The following STXBP2 variants were observed in gnomAD, a reference collection of about 807,000 sequenced individuals.
The protein encoded by STXBP2 is syntaxin binding protein 2.
A neutral mutation model predicts 72.2 loss-of-function variants in STXBP2; 47 were observed. The observed-to-expected ratio is 0.65, with a 90% CI of 0.51 to 0.83. The LOEUF is 0.83. Among genes scored for constraint, STXBP2 ranks in the 40% least tolerant of loss-of-function variants. STXBP2 has a pLI of 0.00. For synonymous variants in STXBP2, 367 were observed against 338.7 expected (o/e 1.08, Z -0.92); for missense variants, 702 against 807.6 (o/e 0.87, Z 1.58).
chr19:7,630,515 AG>A, the STXBP2 span: 1 of 1,352,534 alleles, frequency 7.4e-7, no homozygotes, highest in Non-Finnish European at 1.0e-6. Flanking sequence ...CCAGGCTCTG[AG>A]GAGCCTCTGC....
At chr19:7,645,538 A>C in intron 15 of STXBP2, 1 of 555,352 alleles carries the variant, frequency 1.8e-6, no homozygotes, top group Non-Finnish European at 3.2e-6. Context: ...GGTCGCTGCC[A>C]GGCTGGTCCT....
chr19:7,640,033 T>C (rs1342952132), intron 4 of STXBP2: 4 of 666,872 alleles, frequency 6.0e-6, no homozygotes, highest in African/African-American at 1.8e-5. Flanking sequence ...TGCATGTGTG[T>C]GCGTCTGTGT....
chr19:7,631,501 G>A, the STXBP2 span: 1 of 1,536,552 alleles, frequency 6.5e-7, no homozygotes, highest in Non-Finnish European at 8.7e-7. Context: ...TTCAAAGAGA[G>A]GTTACGGAAG....
At position 7,640,358 on chromosome 19, in the gene STXBP2, G is replaced by GCA. The variant is rs770179765; in HGVS notation, c.247-373_247-372insCA. 9,738 of 561,992 alleles carry GCA rather than the reference G, an allele frequency of 0.017. 576 individuals are homozygous for GCA. Among genetic ancestry groups the GCA allele is most frequent in the Admixed American group, 0.15 (6,469 of 43,764 alleles). 34.8% of individuals were successfully genotyped at this position (561,992 alleles called of 1,614,324 possible). On this transcript the variant is annotated intron_variant, in intron 4 of 18. Coordinates refer to ENST00000221283, the MANE Select transcript of STXBP2 (RefSeq NM_006949.4). ...TGCGTGTGTGTATGCGTCTGTGCATGTGTGTATGCGTGTGTGTGCGCATCA... is the reference window on the plus strand; with the variant it reads ...TGCGTGTGTGTATGCGTCTGTGCATGCATGTGTATGCGTGTGTGTGCGCATCA...
chr19:7,643,421 G>A (rs765779839), intron 13 of STXBP2, 176 bp downstream of exon 13: 44 of 710,068 alleles, frequency 6.2e-5, no homozygotes, highest in African/African-American at 6.2e-4. Context: ...GTGGAGAAAC[G>A]GTCCTAGGAT....
At chr19:7,639,398 T>C in intron 3 of STXBP2, 1 of 580,278 alleles carries the variant, frequency 1.7e-6, no homozygotes, top group South Asian at 2.0e-5. Flanking sequence ...GGGTGGACTC[T>C]GGATGTGGGG....
upstream of STXBP2, among the ~76,000 whole-genome samples, chr19:7,635,752 GGAAAA>G (rs748515817): frequency 2.2e-4 from 33 of 152,148 alleles, no homozygotes; most frequent in Middle Eastern, 3.4e-3. Flanking sequence ...AGAAAGGAAG[GGAAAA>G]GGAAAGGAAA....
At chr19:7,631,614 C>A in the STXBP2 span, 7 of 1,469,806 alleles carry the variant, frequency 4.8e-6, no homozygotes, top group Admixed American at 2.5e-5. Context: ...TACTCAGTTC[C>A]TTGTTATTCA....
upstream of STXBP2, chr19:7,632,315 T>G (rs960495151): frequency 4.4e-6 from 7 of 1,585,224 alleles, no homozygotes; most frequent in Non-Finnish European, 6.0e-6. This position sits in a 1 kb window ranked among gnomAD's most constrained non-coding sequence, Gnocchi z 5.2. Context: ...CCCTGTTCCC[T>G]CCTGGCTGGG....
rs1254010964 is a variant in STXBP2 at position 7,642,753 on chromosome 19, C to A, written c.903-13C>A. ...CTCCCCTCACTCTCACCCCCGCCCA[C>A]CCTCATGGCCAGGAAGGTCACGGAG... On this transcript the variant is annotated splice_polypyrimidine_tract_variant and intron_variant, in intron 10 of 18. Coordinates refer to ENST00000221283, the MANE Select transcript of STXBP2 (RefSeq NM_006949.4). This position sits in a 1 kb window ranked among gnomAD's most constrained non-coding sequence, Gnocchi z 6.0. The A allele has an allele frequency of 1.2e-6, 2 of 1,613,666 alleles. No individual in the cohort carries two copies. The highest frequency in any genetic ancestry group is 2.7e-5 in the African/African-American group (2 of 74,912).
chr19:7,641,272 G>A, intron 6 of STXBP2: 1 of 529,796 alleles, frequency 1.9e-6, no homozygotes, highest in Non-Finnish European at 3.4e-6. Flanking sequence ...CATGGGGCTG[G>A]GGTGGGAGAG....
chr19:7,646,125 C>T (rs925745868), intron 15 of STXBP2, 124 bp from the exon 16 acceptor site: 9 of 731,738 alleles, frequency 1.2e-5, no homozygotes, highest in Non-Finnish European at 1.9e-5. Context: ...CTCTCTCGCT[C>T]TCTGTTCCAC....
intron 15 of STXBP2, 137 bp downstream of exon 15, chr19:7,645,443 G>T (rs1264729892): frequency 9.8e-6 from 8 of 819,792 alleles, no homozygotes; most frequent in Non-Finnish European, 2.0e-6. Context: ...GCCAAAAGCA[G>T]TGTTTCGGGT....
At chr19:7,637,340 G>A (rs917556301) in intron 1 of STXBP2, among the ~76,000 whole-genome samples, 154 bp downstream of exon 1, 5 of 152,132 alleles carry the variant, frequency 3.3e-5, no homozygotes, top group Non-Finnish European at 7.4e-5. Flanking sequence ...GGCGGGGACG[G>A]GTTCCCAGCT....
chr19:7,639,876 G>A, intron 4 of STXBP2, 69 bp downstream of exon 4: 2 of 1,489,670 alleles, frequency 1.3e-6, no homozygotes, highest in Non-Finnish European at 1.9e-6. Context: ...GTGTATGTCT[G>A]CATGCATGTG....
chr19:7,633,029 C>G, upstream of STXBP2: 1 of 1,428,570 alleles, frequency 7.0e-7, no homozygotes, highest in East Asian at 2.5e-5. Flanking sequence ...GGCCCCCGCC[C>G]CAGGGGCCCT....
At chr19:7,644,559 C>A in intron 13 of STXBP2, 55 bp from the exon 14 acceptor site, 1 of 1,603,002 alleles carries the variant, frequency 6.2e-7, no homozygotes, top group South Asian at 1.1e-5. Context: ...CCCGCCTCTC[C>A]CATCCCCTTC....
chr19:7,630,030 T>G, the STXBP2 span: 26 of 573,764 alleles, frequency 4.5e-5, no homozygotes, highest in Middle Eastern at 5.1e-4. Context: ...GACGCTGGGC[T>G]GGGGGGGTTC....
chr19:7,636,209 A>G (rs1468436692), upstream of STXBP2: 1 of 152,104 alleles, frequency 6.6e-6, no homozygotes, highest in Non-Finnish European at 1.5e-5. Flanking sequence ...ACCTTCATCA[A>G]CACGGCCGAG....
Sources: gnomAD v4.1 joint callset for allele counts (sites outside exome capture counted in the v4.1 genomes callset) on GRCh38, gnomAD v4.1.1 for gene constraint, Gnocchi (gnomAD v3.1) non-coding constraint, MANE v1.5 for transcripts, NCBI Gene and HGNC (gene_info 2026-07-23, HGNC 2026-07-21) for gene names.